Variants in PPP2R5E observed in about 807,000 individuals in gnomAD.
The protein encoded by PPP2R5E is serine/threonine-protein phosphatase 2A 56 kDa regulatory subunit epsilon isoform.
A neutral mutation model predicts 65.3 loss-of-function variants in PPP2R5E; 4 were observed. The ratio of observed to expected loss-of-function variants is 0.06; its 90% CI spans 0.03 to 0.14. The LOEUF is 0.14. Among genes scored for constraint, PPP2R5E ranks in the 10% least tolerant of loss-of-function variants. The pLI, the probability that PPP2R5E is intolerant of heterozygous loss-of-function variation, is 1.00. For synonymous variants in PPP2R5E, 183 were observed against 187.4 expected (o/e 0.98, Z 0.19); for missense variants, 274 against 556.1 (o/e 0.49, Z 5.10).
chr14:63,394,023 T>C, intron 7 of PPP2R5E, 95 bp from the exon 8 acceptor site: 2 of 736,920 alleles, frequency 2.7e-6, no homozygotes, highest in Admixed American at 2.3e-5. Context: ...AATCAGTTTG[T>C]TTGTACAAAA....
chr14:63,497,659 A>G (rs751667025), intron 2 of PPP2R5E, among the ~76,000 whole-genome samples: 4 of 152,112 alleles, frequency 2.6e-5, no homozygotes, highest in Non-Finnish European at 5.9e-5. Context: ...GAGGCAGGAG[A>G]ATCGCTTGAA....
chr14:63,521,938 G>GCCCCCC (rs1892922377), intron 2 of PPP2R5E, among the ~76,000 whole-genome samples: 3 of 131,064 alleles, frequency 2.3e-5, no homozygotes, highest in African/African-American at 9.4e-5. Context: ...GTTACACGCT[G>GCCCCCC]CCCTCCCCCT....
At chr14:63,420,930 G>A (rs1242606377) in intron 4 of PPP2R5E, among the ~76,000 whole-genome samples, 1 of 128,266 alleles carries the variant, frequency 7.8e-6, no homozygotes, top group Non-Finnish European at 1.6e-5. Flanking sequence ...GCGGGCGCCT[G>A]TAGTCCCAGC....
chr14:63,385,942 A>T (rs1884641441), intron 11 of PPP2R5E, among the ~76,000 whole-genome samples: 1 of 152,146 alleles, frequency 6.6e-6, no homozygotes, highest in Non-Finnish European at 1.5e-5. Flanking sequence ...AACTGGCTCT[A>T]ATTTGGTCTG....
At chr14:63,487,354 C>T (rs1182721186) in intron 2 of PPP2R5E, among the ~76,000 whole-genome samples, 1 of 134,720 alleles carries the variant, frequency 7.4e-6, no homozygotes, top group Non-Finnish European at 1.5e-5. Flanking sequence ...TAATTTACCA[C>T]CCCCCCCTCT....
chr14:63,417,727 T>C (rs1054850606), intron 4 of PPP2R5E, among the ~76,000 whole-genome samples: 3 of 152,212 alleles, frequency 2.0e-5, no homozygotes, highest in Non-Finnish European at 4.4e-5. Flanking sequence ...ACATTTTTAA[T>C]TACAAGTACG....
intron 2 of PPP2R5E, among the ~76,000 whole-genome samples, chr14:63,529,711 C>T (rs1893334966): frequency 1.3e-5 from 2 of 152,080 alleles, no homozygotes; most frequent in Non-Finnish European, 2.9e-5. Flanking sequence ...AAGGAAGTCC[C>T]CAAGGAGGTC....
At chr14:63,504,002 C>T (rs1892037092) in intron 2 of PPP2R5E, among the ~76,000 whole-genome samples, 1 of 152,184 alleles carries the variant, frequency 6.6e-6, no homozygotes, top group African/African-American at 2.4e-5. Flanking sequence ...AATTTGAATA[C>T]ATCACTTCAT....
At chr14:63,379,826 C>CTTTTTTTTTTTT (rs558475440) in intron 13 of PPP2R5E, among the ~76,000 whole-genome samples, 3 of 100,300 alleles carry the variant, frequency 3.0e-5, no homozygotes, top group Admixed American at 2.1e-4. Flanking sequence ...TATTCTCTCT[C>CTTTTTTTTTTTT]TTTTTTTTTT....
At chr14:63,523,146 C>T (rs1326444986) in intron 2 of PPP2R5E, among the ~76,000 whole-genome samples, 8 of 150,554 alleles carry the variant, frequency 5.3e-5, no homozygotes, top group African/African-American at 9.9e-5. Flanking sequence ...CGCCTCTGCC[C>T]GGCCGCCCCT....
intron 3 of PPP2R5E, among the ~76,000 whole-genome samples, chr14:63,431,264 CAAAA>C (rs113008212): frequency 1.8e-5 from 2 of 112,578 alleles, no homozygotes; most frequent in African/African-American, 3.3e-5. Context: ...TAGACTCTAT[CAAAA>C]AAAAAAAAAA....
chr14:63,542,933 C>G lies in PPP2R5E; in HGVS notation c.-162G>C, dbSNP rs1199570891. On this transcript the variant is annotated 5_prime_UTR_variant, in exon 1 of 14. Coordinates refer to ENST00000337537, the MANE Select transcript of PPP2R5E (RefSeq NM_006246.5). ...AGCCTGGGGCGACGGCTGTCCGGTACGGGGTCCCTCCGGTTCCGCGGCGGC... is the reference window on the plus strand; with the variant it reads ...AGCCTGGGGCGACGGCTGTCCGGTAGGGGGTCCCTCCGGTTCCGCGGCGGC... The G allele has an allele frequency of 6.6e-6, 1 of 152,592 alleles. No homozygotes were observed. Among genetic ancestry groups the G allele is most frequent in the Non-Finnish European group, 1.5e-5 (1 of 68,282 alleles). The allele number at this position is 152,592 out of a possible 1,614,324, so 9.5% of individuals were successfully genotyped here.
Position 63,374,668 on chromosome 14 carries a change from T to TATATATATAA in PPP2R5E, c.*1340_*1341insTTATATATAT, listed in dbSNP as rs1446866059. 2 of 119,276 alleles carry TATATATATAA rather than the reference T, an allele frequency of 1.7e-5. No homozygotes were observed. Among genetic ancestry groups the TATATATATAA allele is most frequent in the African/African-American group, 6.4e-5 (2 of 31,412 alleles). 7.4% of individuals were successfully genotyped at this position (119,276 alleles called of 1,614,324 possible). A position where few individuals can be genotyped will look rare whatever the true frequency, so the allele number is the denominator to read the frequency against. On this transcript the variant is annotated 3_prime_UTR_variant, in exon 14 of 14. Coordinates refer to ENST00000337537, the MANE Select transcript of PPP2R5E (RefSeq NM_006246.5). ...ATATATATATATATATATATATATA[T>TATATATATAA]AAAATACAGCCCTAGATTTTGTTTT...
intron 2 of PPP2R5E, among the ~76,000 whole-genome samples, chr14:63,522,542 C>A (rs987308477): frequency 6.6e-6 from 1 of 151,372 alleles, no homozygotes; most frequent in Non-Finnish European, 1.5e-5. Flanking sequence ...AAGTGAGGAG[C>A]GTCTCTGCCC....
intron 5 of PPP2R5E, among the ~76,000 whole-genome samples, chr14:63,412,480 A>G (rs1229160803): frequency 6.6e-6 from 1 of 152,232 alleles, no homozygotes; most frequent in African/African-American, 2.4e-5. Flanking sequence ...GGCTCAGGGC[A>G]TTCTGTTCAA....
chr14:63,538,204 G>A (rs1349899483), intron 2 of PPP2R5E, among the ~76,000 whole-genome samples: 1 of 151,796 alleles, frequency 6.6e-6, no homozygotes, highest in Non-Finnish European at 1.5e-5. Context: ...ACTCGGGAAA[G>A]GGAGGATCAC....
intron 2 of PPP2R5E, among the ~76,000 whole-genome samples, chr14:63,501,376 G>A (rs1891873715): frequency 6.7e-6 from 1 of 148,848 alleles, no homozygotes. Context: ...CTGCACTCCA[G>A]CCTGGGCGAC....
At chr14:63,502,276 C>A (rs915532195) in intron 2 of PPP2R5E, among the ~76,000 whole-genome samples, 1 of 152,116 alleles carries the variant, frequency 6.6e-6, no homozygotes, top group Non-Finnish European at 1.5e-5. Context: ...TGCTGCCCGG[C>A]CTCCTGACAC....
intron 2 of PPP2R5E, 112 bp from the exon 3 acceptor site, chr14:63,453,997 C>T (rs1566714356): frequency 1.5e-5 from 12 of 819,744 alleles, no homozygotes; most frequent in Non-Finnish European, 1.9e-5. Context: ...ATTCACATGA[C>T]AACAGTGTTC....
Sources: allele counts gnomAD v4.1 joint callset (sites outside exome capture counted in the v4.1 genomes callset), GRCh38; gene constraint gnomAD v4.1.1; transcripts MANE v1.5; gene names NCBI Gene and HGNC (gene_info 2026-07-23, HGNC 2026-07-21).